Variants in SLF2 observed in about 807,000 individuals in gnomAD.
The protein encoded by SLF2 is SMC5-SMC6 complex localization factor protein 2.
SLF2 carries 68 observed loss-of-function variants against 124.3 expected under a neutral mutation model. The observed-to-expected ratio is 0.55, with a 90% CI of 0.45 to 0.67. SLF2 has a LOEUF of 0.67. Ranked by LOEUF, SLF2 falls within the 30% of genes least tolerant of loss-of-function variation. SLF2 has a pLI of 0.00. For synonymous variants in SLF2, 480 were observed against 478.8 expected (o/e 1.00, Z -0.03); for missense variants, 1,246 against 1,373.7 (o/e 0.91, Z 1.47).
At chr10:100,942,930 ACT>A (rs1850010323) in intron 11 of SLF2, among the ~76,000 whole-genome samples, 2 of 56,444 alleles carry the variant, frequency 3.5e-5, no homozygotes, top group South Asian at 7.1e-4. Context: ...CACCCCACCC[ACT>A]CTCTCATCAT....
At chr10:100,941,753 A>G (rs919732381) in intron 11 of SLF2, among the ~76,000 whole-genome samples, 1 of 152,164 alleles carries the variant, frequency 6.6e-6, no homozygotes, top group African/African-American at 2.4e-5. Flanking sequence ...CTCTGTTCTA[A>G]GGGCTTCACA....
chr10:100,960,931 TA>T (rs1850414382), intron 19 of SLF2, among the ~76,000 whole-genome samples: 1 of 148,934 alleles, frequency 6.7e-6, no homozygotes. Flanking sequence ...AGGAATCAAC[TA>T]GGAACTTGGT....
chr10:100,917,640 G>C (rs1342313808), intron 3 of SLF2, among the ~76,000 whole-genome samples: 1 of 152,106 alleles, frequency 6.6e-6, no homozygotes, highest in Non-Finnish European at 1.5e-5. Context: ...GCTATGGCGT[G>C]ATCATGTCTC....
Position 100,950,174 on chromosome 10 carries a change from T to C in SLF2, c.3219T>C (p.Ile1073=). The stretch of plus-strand genomic sequence containing the variant: ...AGGCTGAACAACCAGATGGCATTAT[T>C]GATGACAGTCTTCATTTAGAACTTG... The part of the protein sequence containing the change: ...KKKAEQPDGI[I]DDSLHLELEK... Residue 1073 remains isoleucine, a synonymous_variant, in exon 16 of 20, where the codon ATT becomes ATC. Transcript: ENST00000238961. 6.2e-7 allele frequency: 1 copy of C among 1,613,824 alleles called. No homozygotes were observed. The highest frequency in any genetic ancestry group is 8.5e-7 in the Non-Finnish European group (1 of 1,179,910).
chr10:100,923,458 A>G (rs1469700421), intron 4 of SLF2, among the ~76,000 whole-genome samples: 3 of 151,554 alleles, frequency 2.0e-5, no homozygotes, highest in Non-Finnish European at 4.4e-5. Flanking sequence ...TTTGTCTCCA[A>G]AGACAAAGAC....
At chr10:100,959,374 T>C in intron 18 of SLF2, 54 bp from the exon 19 acceptor site, 1 of 1,527,504 alleles carries the variant, frequency 6.5e-7, no homozygotes. Flanking sequence ...TTAAGCTGAT[T>C]GTAGGTGAGA....
Position 100,929,991 on chromosome 10 carries a change from T to C in SLF2, c.2327T>C (p.Ile776Thr). The change falls in exon 8 of 20, where the codon ATT (isoleucine) becomes ACT (threonine). Residue 776 changes from isoleucine (I) to threonine (T), a missense_variant. Transcript: ENST00000238961. ...FIGQSAVEKL[I>T]LKSGKTDQIF... ...GGACAAAGTGCTGTAGAAAAACTTA[T>C]TCTTAAGTAAGTAGAAAAATAGACA... 3 of 1,516,068 alleles carry C rather than the reference T, an allele frequency of 2.0e-6. No homozygotes were observed. The highest frequency in any genetic ancestry group is 2.7e-6 in the Non-Finnish European group (3 of 1,130,686). The allele number at this position is 1,516,068 out of a possible 1,614,324, so 93.9% of individuals were successfully genotyped here. A position where few individuals can be genotyped will look rare whatever the true frequency, so the allele number is the denominator to read the frequency against.
chr10:100,933,202 T>C (rs1849779160), intron 9 of SLF2, among the ~76,000 whole-genome samples: 1 of 152,242 alleles, frequency 6.6e-6, no homozygotes, highest in African/African-American at 2.4e-5. Flanking sequence ...ACTTTGCATT[T>C]ATCTATGTTA....
At position 100,960,998 on chromosome 10, in the gene SLF2, C is replaced by CTTTTTTTTTTTTTTTTT. The variant is rs59983480; in HGVS notation, c.3487-866_3487-850dup. Among the ~76,000 whole-genome samples, 4 of 61,364 alleles carry CTTTTTTTTTTTTTTTTT rather than the reference C, an allele frequency of 6.5e-5. 1 individual carries two copies. The highest frequency in any genetic ancestry group is 2.0e-4 in the African/African-American group (3 of 14,878). The allele number at this position is 61,364 out of a possible 152,430, so 40.3% of individuals were successfully genotyped here. On this transcript the variant is annotated intron_variant, in intron 19 of 19. Transcript: ENST00000238961. ...GTGAGAACTGAGATATTCTGTACTT[C>CTTTTTTTTTTTTTTTTT]TTTTTTTTTTTTTTTTTTTTTTTTT...
At chr10:100,940,358 G>A (rs1172585454) in intron 11 of SLF2, among the ~76,000 whole-genome samples, 1 of 151,776 alleles carries the variant, frequency 6.6e-6, no homozygotes, top group East Asian at 1.9e-4. Context: ...GTCTGGAAAT[G>A]TGTGTGTGTG....
chr10:100,921,018 CAATT>C (rs1849515733), intron 4 of SLF2, among the ~76,000 whole-genome samples: 1 of 152,148 alleles, frequency 6.6e-6, no homozygotes, highest in African/African-American at 2.4e-5. Context: ...TACACTTAAT[CAATT>C]GTCATGGTAA....
intron 9 of SLF2, among the ~76,000 whole-genome samples, chr10:100,936,851 A>G (rs1245385322): frequency 7.5e-6 from 1 of 134,044 alleles, no homozygotes; most frequent in Non-Finnish European, 1.7e-5. Flanking sequence ...TTGTCTAATT[A>G]TAAATGAAAG....
intron 9 of SLF2, 123 bp downstream of exon 9, chr10:100,931,201 A>C: frequency 1.4e-6 from 1 of 721,496 alleles, no homozygotes; most frequent in Non-Finnish European, 2.4e-6. Context: ...CCATGATGTC[A>C]GTGGCTTAGA....
intron 10 of SLF2, among the ~76,000 whole-genome samples, chr10:100,938,350 T>C (rs1849905499): frequency 6.6e-6 from 1 of 152,246 alleles, no homozygotes; most frequent in South Asian, 2.1e-4. Flanking sequence ...AATGTGTTAC[T>C]TCCTTCTGAG....
rs1263651111 is a variant in SLF2 at position 100,929,975 on chromosome 10, G to A, written c.2311G>A (p.Ala771Thr). The change falls in exon 8 of 20, where the codon GCT becomes ACT. Residue 771 changes from alanine (A) to threonine (T), a missense_variant. By Grantham distance (58) the Ala-to-Thr change is moderately conservative (BLOSUM62 0). Coordinates refer to ENST00000238961, the MANE Select transcript of SLF2 (RefSeq NM_018121.4). ...AGACTCTGGTTTTATTGGACAAAGT[G>A]CTGTAGAAAAACTTATTCTTAAGTA... Reference protein sequence around the residue: ...LRDSGFIGQSAVEKLILKSGK... With the variant: ...LRDSGFIGQSTVEKLILKSGK... The A allele has an allele frequency of 2.0e-6, 3 of 1,530,504 alleles. No homozygotes were observed. Among genetic ancestry groups the A allele is most frequent in the East Asian group, 4.6e-5 (2 of 43,158 alleles). 94.8% of individuals were successfully genotyped at this position (1,530,504 alleles called of 1,614,324 possible).
intron 2 of SLF2, among the ~76,000 whole-genome samples, chr10:100,916,363 T>C (rs1353435023): frequency 6.6e-6 from 1 of 152,202 alleles, no homozygotes; most frequent in Non-Finnish European, 1.5e-5. Context: ...GAGAGCTTTA[T>C]GAAACTAAGG....
intron 19 of SLF2, among the ~76,000 whole-genome samples, chr10:100,959,923 T>G (rs569238903): frequency 6.6e-6 from 1 of 152,346 alleles, no homozygotes; most frequent in East Asian, 1.9e-4. Flanking sequence ...TAGCAGTCAT[T>G]CATTCCCCTT....
intron 13 of SLF2, among the ~76,000 whole-genome samples, chr10:100,946,180 T>G (rs890279748): frequency 6.6e-6 from 1 of 152,206 alleles, no homozygotes; most frequent in African/African-American, 2.4e-5. Flanking sequence ...AGTATCACTT[T>G]GCTTCAATAA....
intron 18 of SLF2, among the ~76,000 whole-genome samples, chr10:100,959,164 T>G (rs1850384002): frequency 6.6e-6 from 1 of 152,228 alleles, no homozygotes; most frequent in Admixed American, 6.5e-5. Context: ...AATGTGTTTT[T>G]GGGGATGATC....
Sources: gnomAD v4.1 joint callset for allele counts (sites outside exome capture counted in the v4.1 genomes callset) on GRCh38, gnomAD v4.1.1 for gene constraint, MANE v1.5 for transcripts, NCBI Gene and HGNC (gene_info 2026-07-23, HGNC 2026-07-21) for gene names.